The following MAP3K21 variants were observed in gnomAD, a reference collection of about 807,000 sequenced individuals.
The protein encoded by MAP3K21 is mitogen-activated protein kinase kinase kinase MLK4.
MAP3K21 carries 63 observed loss-of-function variants against 86.1 expected under a neutral mutation model. That is an observed-to-expected ratio of 0.73 (90% CI 0.60 to 0.90). The LOEUF (loss-of-function observed/expected upper bound fraction) is 0.90. Among genes scored for constraint, MAP3K21 ranks in the 40% least tolerant of loss-of-function variants. The probability of loss-of-function intolerance (pLI) is 0.00; values close to 1 mark genes in which losing one functional copy is unlikely to be tolerated. For synonymous variants in MAP3K21, 558 were observed against 564.8 expected (o/e 0.99, Z 0.17); for missense variants, 1,220 against 1,367.7 (o/e 0.89, Z 1.70).
At chr1:233,367,002 A>G (rs1663588971) in intron 5 of MAP3K21, among the ~76,000 whole-genome samples, 1 of 152,250 alleles carries the variant, frequency 6.6e-6, no homozygotes, top group Non-Finnish European at 1.5e-5. Flanking sequence ...AGAAAAAAGC[A>G]TGGTCACAGT....
intron 1 of MAP3K21, among the ~76,000 whole-genome samples, chr1:233,345,091 G>A (rs1572242750): frequency 6.6e-6 from 1 of 152,300 alleles, no homozygotes; most frequent in East Asian, 1.9e-4. Flanking sequence ...AACAGATGCT[G>A]GAGAGAATGT....
At chr1:233,353,156 C>G (rs1201622443) in intron 2 of MAP3K21, among the ~76,000 whole-genome samples, 1 of 144,766 alleles carries the variant, frequency 6.9e-6, no homozygotes, top group African/African-American at 2.6e-5. Context: ...TTTTTTATTC[C>G]CATTTCACCC....
chr1:233,353,291 A>G (rs559411673), intron 2 of MAP3K21, among the ~76,000 whole-genome samples: 1 of 152,332 alleles, frequency 6.6e-6, no homozygotes, highest in Admixed American at 6.5e-5. Context: ...ACATCTAAAT[A>G]TAGAGAGGCA....
At chr1:233,367,586 G>T (rs116640816) in intron 5 of MAP3K21, among the ~76,000 whole-genome samples, 7,480 of 152,274 alleles carry the variant, frequency 0.049, 284 homozygotes, top group Non-Finnish European at 0.073. Flanking sequence ...TTGGCTGGGC[G>T]TGGTGGCTCA....
intron 1 of MAP3K21, 107 bp from the exon 2 acceptor site, chr1:233,346,335 G>C (rs917373004): frequency 1.2e-6 from 1 of 835,358 alleles, no homozygotes; most frequent in Non-Finnish European, 1.9e-6. Context: ...GTTTATTCTT[G>C]TTTATTCTGC....
rs1160257234 is a variant in MAP3K21, at chr1:233,328,232, G to T, written c.204G>T (p.Leu68=). 1 of 1,490,830 alleles carries T rather than the reference G, an allele frequency of 6.7e-7. No individual in the cohort carries two copies. Among genetic ancestry groups the T allele is most frequent in the African/African-American group, 1.5e-5 (1 of 68,774 alleles). The allele number at this position is 1,490,830 out of a possible 1,614,324, so 92.4% of individuals were successfully genotyped here. The change falls in exon 1 of 10, where the codon CTG becomes CTT. Residue 68 remains leucine, a synonymous_variant. Coordinates refer to ENST00000366624, the MANE Select transcript of MAP3K21 (RefSeq NM_032435.3). The surrounding 1 kb of genome is among the most constrained non-coding windows in gnomAD (Gnocchi z 8.7). ...GGCGCGGCCAGCTGGTGGAGGTGCTGTCGCAGGACGCCGCCGTGTCGGGCG... is the reference window on the plus strand; with the variant it reads ...GGCGCGGCCAGCTGGTGGAGGTGCTTTCGCAGGACGCCGCCGTGTCGGGCG... ...SLRRGQLVEV[L]SQDAAVSGDE...
At chr1:233,363,997 G>C (rs533902601) in intron 5 of MAP3K21, among the ~76,000 whole-genome samples, 82 of 151,984 alleles carry the variant, frequency 5.4e-4, no homozygotes, top group African/African-American at 1.9e-3. Context: ...CTGGGCAACA[G>C]AATGAGACTC....
At chr1:233,382,251 GT>G in intron 9 of MAP3K21, 53 bp from the exon 10 acceptor site, 1 of 1,438,966 alleles carries the variant, frequency 6.9e-7, no homozygotes, top group South Asian at 1.3e-5. Context: ...GATATTCATT[GT>G]TTTAGAACTC....
At chr1:233,329,708 CTTCTT>C (rs1406957534) in intron 1 of MAP3K21, among the ~76,000 whole-genome samples, 1 of 152,026 alleles carries the variant, frequency 6.6e-6, no homozygotes, top group African/African-American at 2.4e-5. Flanking sequence ...GGTTCAATGG[CTTCTT>C]TTCTCCAGAC....
At chr1:233,369,099 AAG>A (rs1488284235) in intron 5 of MAP3K21, among the ~76,000 whole-genome samples, 1 of 152,084 alleles carries the variant, frequency 6.6e-6, no homozygotes, top group Non-Finnish European at 1.5e-5. Context: ...TGTGAGGGAA[AAG>A]TCACATGACA....
At position 233,354,097 on chromosome 1, in the gene MAP3K21, AC is replaced by A. The variant is rs1360679469; in HGVS notation, c.1135+144del. 7.6e-6 allele frequency: 8 copies of A among 1,046,790 alleles called. No individual in the cohort carries two copies. The African/African-American group carries it at 1.1e-4, about 15-fold the overall frequency. The allele number at this position is 1,046,790 out of a possible 1,614,324, so 64.8% of individuals were successfully genotyped here. A position where few individuals can be genotyped will look rare whatever the true frequency, so the allele number is the denominator to read the frequency against. Reference sequence around the variant, plus strand: ...AACCCTAGTATTTTAAGAATTGGAAACCTAGTCTTTGATCTGGAATGTCTGG... The same window carrying A: ...AACCCTAGTATTTTAAGAATTGGAAACTAGTCTTTGATCTGGAATGTCTGG... On this transcript the variant is annotated intron_variant, in intron 3 of 9. Coordinates refer to ENST00000366624, the MANE Select transcript of MAP3K21 (RefSeq NM_032435.3).
intron 1 of MAP3K21, among the ~76,000 whole-genome samples, chr1:233,331,245 T>C (rs1662804740): frequency 6.6e-6 from 1 of 152,218 alleles, no homozygotes; most frequent in African/African-American, 2.4e-5. Context: ...GGATTCCCTT[T>C]GCTTTAAATT....
intron 6 of MAP3K21, among the ~76,000 whole-genome samples, chr1:233,375,125 G>A (rs1323389284): frequency 1.3e-5 from 2 of 151,898 alleles, no homozygotes; most frequent in African/African-American, 4.8e-5. Context: ...TGTATTTTTA[G>A]TGGAGACCGG....
intron 8 of MAP3K21, among the ~76,000 whole-genome samples, chr1:233,378,034 G>A (rs900904352): frequency 4.6e-5 from 7 of 152,250 alleles, no homozygotes; most frequent in South Asian, 2.1e-4. Context: ...AGCTTCACTC[G>A]CCCACCTGCT....
chr1:233,333,874 G>GT (rs1367359301), intron 1 of MAP3K21, among the ~76,000 whole-genome samples: 1 of 152,034 alleles, frequency 6.6e-6, no homozygotes, highest in Non-Finnish European at 1.5e-5. Context: ...GTGTGTTTTT[G>GT]TTTTTTTGAG....
chr1:233,382,643 C>T lies in MAP3K21; in HGVS notation c.3043C>T (p.Leu1015=). Residue 1015 remains leucine (L), a synonymous_variant, in exon 10 of 10, where the codon CTG becomes TTG. Coordinates refer to ENST00000366624, the MANE Select transcript of MAP3K21 (RefSeq NM_032435.3). ...EGQSRDYTVP[L]CRMRSKTSRP... The stretch of plus-strand genomic sequence containing the variant: ...TCAGAGCAGGGACTACACTGTGCCA[C>T]TGTGCAGAATGAGGAGCAAAACCAG... The T allele has an allele frequency of 6.2e-7, 1 of 1,614,176 alleles. No individual in the cohort carries two copies. Among genetic ancestry groups the T allele is most frequent in the South Asian group, 1.1e-5 (1 of 91,088 alleles).
chr1:233,338,874 A>G (rs748068048), intron 1 of MAP3K21, among the ~76,000 whole-genome samples: 13 of 152,182 alleles, frequency 8.5e-5, no homozygotes, highest in Non-Finnish European at 1.3e-4. Flanking sequence ...ATGAAGGGGA[A>G]CCAGGTTGGA....
At chr1:233,350,637 A>G (rs1408558567) in intron 2 of MAP3K21, among the ~76,000 whole-genome samples, 1 of 152,090 alleles carries the variant, frequency 6.6e-6, no homozygotes, top group Non-Finnish European at 1.5e-5. Context: ...TAATTGTCTT[A>G]TGCACTTAGA....
rs898312661 is a variant in MAP3K21 at position 233,328,108 on chromosome 1, C to G, written c.80C>G (p.Ser27Trp). The change falls in exon 1 of 10, where the codon TCG becomes TGG. Residue 27 changes from serine to tryptophan, a missense_variant. Ser to Trp is a radical substitution (Grantham distance 177). Around this residue, in one of 5 missense-constraint regions of MAP3K21, gnomAD observed 369 missense variants for 385.3 expected, o/e 0.96. Transcript: ENST00000366624. The surrounding 1 kb of genome is among the most constrained non-coding windows in gnomAD (Gnocchi z 8.7). Reference sequence around the variant, plus strand: ...GGAGCCCCCGGCGGCTCAGCGTCCTCGTCGTCCACCTCCTCGGGCGGCTCG... The same window carrying G: ...GGAGCCCCCGGCGGCTCAGCGTCCTGGTCGTCCACCTCCTCGGGCGGCTCG... ...AGGAPGGSAS[S>W]SSTSSGGSAS... is the part of the protein sequence containing the mutation. 8.0e-5 allele frequency: 111 copies of G among 1,386,444 alleles called. 1 individual carries two copies. The highest frequency in any genetic ancestry group is 1.0e-4 in the Admixed American group (3 of 30,038). The allele number at this position is 1,386,444 out of a possible 1,614,324, so 85.9% of individuals were successfully genotyped here. A position where few individuals can be genotyped will look rare whatever the true frequency, so the allele number is the denominator to read the frequency against.
Sources: gnomAD v4.1 joint callset for allele counts (sites outside exome capture counted in the v4.1 genomes callset) on GRCh38, gnomAD v4.1.1 for gene constraint, gnomAD v4.1.1 regional missense constraint, Gnocchi (gnomAD v3.1) non-coding constraint, MANE v1.5 for transcripts, NCBI Gene and HGNC (gene_info 2026-07-23, HGNC 2026-07-21) for gene names.